The following NUP42 variants were observed in gnomAD, a reference collection of about 807,000 sequenced individuals.
NUP42 encodes the protein nucleoporin 42, also known as nucleoporin NUP42.
NUP42 carries 47 observed loss-of-function variants against 35.9 expected under a neutral mutation model. That is an observed-to-expected ratio of 1.31 (90% confidence interval 1.04 to 1.67). The LOEUF is 1.67. NUP42 is among the 40% of genes most tolerant of loss of function. NUP42 has a pLI of 0.00. For synonymous variants in NUP42, 173 were observed against 173.3 expected (o/e 1.00, Z 0.01); for missense variants, 514 against 492.2 (o/e 1.04, Z -0.42).
intron 3 of NUP42, among the ~76,000 whole-genome samples, chr7:23,191,613 C>G (rs1267217574): frequency 6.6e-6 from 1 of 152,218 alleles, no homozygotes; most frequent in African/African-American, 2.4e-5. Flanking sequence ...TTAATAATAA[C>G]TGGATTACAA....
In NUP42 at chr7:23,187,047, TGCA is replaced by T. The variant is rs1562604434; in HGVS notation, c.351-3_351-1del. The T allele has an allele frequency of 2.6e-6, 4 of 1,567,046 alleles. No individual in the cohort carries two copies. The highest frequency in any genetic ancestry group is 1.9e-5 in the Admixed American group (1 of 51,410). On this transcript the variant is annotated splice_acceptor_variant and splice_polypyrimidine_tract_variant and intron_variant, in intron 2 of 6. Transcript: ENST00000258742. LOFTEE classifies it high-confidence loss of function. The stretch of plus-strand genomic sequence containing the variant: ...TTACTCTTTTTTTTTTTTTCTTTTT[TGCA>T]GGGAAGGAATTGTAAAAGATATGGA...
At chr7:23,185,407 C>T (rs1273761253) in intron 2 of NUP42, 109 bp downstream of exon 2, 1 of 776,672 alleles carries the variant, frequency 1.3e-6, no homozygotes, top group East Asian at 2.7e-5. Context: ...ACAATATTTT[C>T]TTTAAAAAAA....
At chr7:23,187,945 T>TGGGTGG in intron 3 of NUP42, 1 of 489,812 alleles carries the variant, frequency 2.0e-6, no homozygotes, top group Non-Finnish European at 3.5e-6. Flanking sequence ...TGTCTCTCTC[T>TGGGTGG]CTCTCTCTGG....
At chr7:23,197,373 G>T in intron 5 of NUP42, 1 of 378,980 alleles carries the variant, frequency 2.6e-6, no homozygotes, top group Non-Finnish European at 4.8e-6. Flanking sequence ...TCTGTATAAG[G>T]ATATGAGAGT....
rs1554295684 is a variant in NUP42, at chr7:23,188,009, T to TTTA, written c.445+865_445+866insATT. The stretch of plus-strand genomic sequence containing the variant: ...CTCTCTCTCTTTTTTTATTTTTTAT[T>TTTA]TTTATTTTTTTTTTTGTCCATAGTC... On this transcript the variant is annotated intron_variant, in intron 3 of 6. Coordinates refer to ENST00000258742, the MANE Select transcript of NUP42 (RefSeq NM_007342.3). 1.7e-5 allele frequency: 18 copies of TTTA among 1,069,538 alleles called. No individual in the cohort carries two copies. In the African/African-American group the frequency reaches 3.1e-4, roughly 18 times the overall value. 66.3% of individuals were successfully genotyped at this position (1,069,538 alleles called of 1,614,324 possible). A position where few individuals can be genotyped will look rare whatever the true frequency, so the allele number is the denominator to read the frequency against.
chr7:23,189,208 G>T (rs1785705002), intron 3 of NUP42, among the ~76,000 whole-genome samples: 1 of 152,190 alleles, frequency 6.6e-6, no homozygotes, highest in African/African-American at 2.4e-5. Flanking sequence ...TATTGCCAAT[G>T]AAAAAAATTA....
At chr7:23,195,958 T>C (rs779613651) in intron 4 of NUP42, 43 bp downstream of exon 4, 1 of 1,194,202 alleles carries the variant, frequency 8.4e-7, no homozygotes, top group Non-Finnish European at 1.2e-6. Context: ...ACAGATGAGC[T>C]CTTAATTACT....
chr7:23,196,026 C>A, intron 4 of NUP42, 111 bp downstream of exon 4: 1 of 466,896 alleles, frequency 2.1e-6, no homozygotes, highest in South Asian at 5.2e-5. Flanking sequence ...GATCTTTTTT[C>A]AGGAGTAGGC....
At chr7:23,184,867 A>G (rs186315658) in intron 1 of NUP42, among the ~76,000 whole-genome samples, 2 of 152,158 alleles carry the variant, frequency 1.3e-5, no homozygotes, top group South Asian at 2.1e-4. Context: ...TTAGCCAGAC[A>G]TGGTGGTTTG....
Position 23,182,184 on chromosome 7 carries a change from G to A in NUP42, c.99G>A (p.Gln33=), listed in dbSNP as rs1785428161. 6.2e-7 allele frequency: 1 copy of A among 1,612,648 alleles called. No individual in the cohort carries two copies. Among genetic ancestry groups the A allele is most frequent in the Non-Finnish European group, 8.5e-7 (1 of 1,179,350 alleles). Reference sequence around the variant, plus strand: ...CTAGGGGTGCAGGAGGAGGACGGCAGCAACCGCAGCAGCAGCCTTCAGGTG... The same window carrying A: ...CTAGGGGTGCAGGAGGAGGACGGCAACAACCGCAGCAGCAGCCTTCAGGTG... ...PGARGAGGGR[Q]QPQQQPSGNN... Residue 33 remains glutamine (Q), a synonymous_variant, in exon 1 of 7, where the codon CAG becomes CAA. Transcript: ENST00000258742.
intron 3 of NUP42, among the ~76,000 whole-genome samples, chr7:23,194,049 C>T (rs1785919068): frequency 6.6e-6 from 1 of 152,250 alleles, no homozygotes; most frequent in Non-Finnish European, 1.5e-5. Context: ...CACGCCCACT[C>T]GGAACTCCAG....
At chr7:23,194,234 G>A (rs1785926282) in intron 3 of NUP42, among the ~76,000 whole-genome samples, 1 of 152,268 alleles carries the variant, frequency 6.6e-6, no homozygotes, top group South Asian at 2.1e-4. Context: ...CCCAGGTAGA[G>A]GAGGTACCCA....
chr7:23,192,371 C>T (rs944382353), intron 3 of NUP42, among the ~76,000 whole-genome samples: 1 of 151,610 alleles, frequency 6.6e-6, no homozygotes, highest in Non-Finnish European at 1.5e-5. Context: ...TGGTGAAACC[C>T]CATCTCTACT....
chr7:23,185,570 T>TCCTAGGG (rs1785563313), intron 2 of NUP42, among the ~76,000 whole-genome samples: 1 of 152,188 alleles, frequency 6.6e-6, no homozygotes, highest in African/African-American at 2.4e-5. Flanking sequence ...TAGAGTGCCT[T>TCCTAGGG]CCTAGGGGTA....
chr7:23,194,725 G>A (rs1785950715), intron 3 of NUP42: 1 of 185,268 alleles, frequency 5.4e-6, no homozygotes, highest in Non-Finnish European at 1.1e-5. Context: ...GTCTCGCTTT[G>A]TTGCCCAGGC....
chr7:23,194,131 A>AG (rs1162012821), intron 3 of NUP42, among the ~76,000 whole-genome samples: 1 of 152,258 alleles, frequency 6.6e-6, no homozygotes, highest in Non-Finnish European at 1.5e-5. Flanking sequence ...CTGCAAGCTG[A>AG]GGGAGCCAGC....
intron 1 of NUP42, among the ~76,000 whole-genome samples, chr7:23,182,742 CAAAAAAAAA>C (rs60397960): frequency 1.6e-4 from 12 of 74,158 alleles, no homozygotes; most frequent in East Asian, 3.8e-4. Flanking sequence ...CTAAAAATAC[CAAAAAAAAA>C]AAAAAAAAAA....
In NUP42 at chr7:23,186,984, A is replaced by G. The variant is rs538074442; in HGVS notation, c.351-68A>G. 1.3e-5 allele frequency: 14 copies of G among 1,065,182 alleles called. No individual in the cohort carries two copies. The African/African-American group carries it at 1.8e-4, about 13-fold the overall frequency. 66.0% of individuals were successfully genotyped at this position (1,065,182 alleles called of 1,614,324 possible). On this transcript the variant is annotated intron_variant, in intron 2 of 6. Transcript: ENST00000258742. ...TTTAAATTTTCAGTTGTGGAAAACC[A>G]TTAACAATAAATTTTACCAAGCAGC...
intron 5 of NUP42, chr7:23,198,323 C>T (rs1209560948): frequency 6.7e-6 from 1 of 149,804 alleles, no homozygotes. Flanking sequence ...CGCCATTCTC[C>T]TGCCTCAGTC....
Sources: gnomAD v4.1 joint callset for allele counts (sites outside exome capture counted in the v4.1 genomes callset) on GRCh38, gnomAD v4.1.1 for gene constraint, MANE v1.5 for transcripts, NCBI Gene and HGNC (gene_info 2026-07-23, HGNC 2026-07-21) for gene names.